Variants in ILF2 observed in about 807,000 individuals in gnomAD.
ILF2 encodes the protein interleukin enhancer binding factor 2.
In ILF2, 9 loss-of-function variants were observed where a neutral mutation model predicts 55.3. The ratio of observed to expected loss-of-function variants is 0.16; its 90% CI spans 0.10 to 0.28. The LOEUF (loss-of-function observed/expected upper bound fraction) is 0.28, where lower values mean the gene tolerates loss of function less well. Among genes scored for constraint, ILF2 ranks in the 10% least tolerant of loss-of-function variants. The pLI is 1.00. For missense variants in ILF2, 266 were observed against 474.9 expected, an observed-to-expected ratio of 0.56 and a Z score of 4.09; for synonymous variants, 151 against 161.8, an observed-to-expected ratio of 0.93 and a Z score of 0.50.
intron 9 of ILF2, 113 bp downstream of exon 9, chr1:153,664,283 C>T: frequency 1.9e-6 from 2 of 1,076,614 alleles, no homozygotes; most frequent in Admixed American, 1.9e-5. Context: ...AAATAAAAAT[C>T]CAGACACGAG....
In ILF2 at chr1:153,670,850, T is replaced by C; in HGVS notation, c.5+68A>G. The C allele has an allele frequency of 1.0e-5, 16 of 1,600,714 alleles. 1 individual carries two copies. In the South Asian group the frequency reaches 1.5e-4, roughly 15 times the overall value. On this transcript the variant is annotated intron_variant, in intron 1 of 13. Coordinates refer to ENST00000361891, the MANE Select transcript of ILF2 (RefSeq NM_004515.4). The stretch of plus-strand genomic sequence containing the variant: ...TGGCCCTTTCTGATACTCCGACTTC[T>C]TTCGGCCCACGTTCACAAAGTTTTC...
intron 3 of ILF2, among the ~76,000 whole-genome samples, chr1:153,668,938 C>T (rs1669378548): frequency 6.6e-6 from 1 of 151,966 alleles, no homozygotes; most frequent in Non-Finnish European, 1.5e-5. Context: ...CAGTGGGTCA[C>T]GCACACCTGT....
Position 153,663,153 on chromosome 1 carries a change from GA to G in ILF2, c.807-21del. The G allele has an allele frequency of 6.2e-7, 1 of 1,613,550 alleles. No homozygotes were observed. Among genetic ancestry groups the G allele is most frequent in the Non-Finnish European group, 8.5e-7 (1 of 1,179,464 alleles). ...CAGCGCCTAGAACACAGGGAGGTAT[GA>G]GGTATTAAAGGAATGCACAAAATAG... is the stretch of plus-strand genomic sequence containing the variant. On this transcript the variant is annotated intron_variant, in intron 11 of 13. Coordinates refer to ENST00000361891, the MANE Select transcript of ILF2 (RefSeq NM_004515.4).
chr1:153,670,007 T>C, intron 2 of ILF2, 129 bp from the exon 3 acceptor site: 2 of 1,098,886 alleles, frequency 1.8e-6, no homozygotes, highest in South Asian at 2.5e-5. Context: ...AGGGAAAGAA[T>C]CATTCTTAGC....
chr1:153,664,430 C>T lies in ILF2; in HGVS notation c.622G>A (p.Ala208Thr). 1 of 1,614,088 alleles carries T rather than the reference C, an allele frequency of 6.2e-7. No individual in the cohort carries two copies. The highest frequency in any genetic ancestry group is 8.5e-7 in the Non-Finnish European group (1 of 1,179,934). Residue 208 changes from alanine to threonine, a missense_variant, in exon 9 of 14, where the codon GCC becomes ACC. Ala to Thr is a moderately conservative substitution (Grantham distance 58). Transcript: ENST00000361891. ...GAAGCATTTTCCTCGAACCAGCGGG[C>T]ATGTCGGATGGCTGCTAAGGCACTC... Reference protein sequence around the residue: ...LQSALAAIRHARWFEENASQS... With the variant: ...LQSALAAIRHTRWFEENASQS...
rs1669195289 is a variant in ILF2 at position 153,662,483 on chromosome 1, T to C, written c.1086A>G (p.Pro362=). 1 of 1,613,866 alleles carries C rather than the reference T, an allele frequency of 6.2e-7. No homozygotes were observed. The change falls in exon 14 of 14, where the codon CCA becomes CCG. Residue 362 remains proline, a synonymous_variant. Coordinates refer to ENST00000361891, the MANE Select transcript of ILF2 (RefSeq NM_004515.4). ...TPSEKAYEKP[P]EKKEGEEEEE... ...CTTCTTCCTCTCCTTCCTTCTTCTC[T>C]GGTGGCTTCTCATAAGCCTTTTCTG...
intron 9 of ILF2, 84 bp downstream of exon 9, chr1:153,664,312 C>G: frequency 3.3e-6 from 4 of 1,210,268 alleles, no homozygotes; most frequent in Non-Finnish European, 4.9e-6. Context: ...CAAAATAGTT[C>G]TGTCAGAGGA....
chr1:153,662,323 C>A lies in ILF2; in HGVS notation c.*73G>T. On this transcript the variant is annotated 3_prime_UTR_variant, in exon 14 of 14. Transcript: ENST00000361891. ...CCTATCCCACGGAAATGTCTGTCAC[C>A]ATGTAAAGCCCAGTAGCAGGCAGCT... 1 of 1,585,886 alleles carries A rather than the reference C, an allele frequency of 6.3e-7. No individual in the cohort carries two copies. Among genetic ancestry groups the A allele is most frequent in the Non-Finnish European group, 8.6e-7 (1 of 1,165,570 alleles).
Position 153,664,283 on chromosome 1 carries a change from C to G in ILF2, c.656+113G>C, listed in dbSNP as rs1249363713. The G allele has an allele frequency of 2.8e-6, 3 of 1,076,496 alleles. No individual in the cohort carries two copies. The East Asian group carries it at 7.3e-5, about 26-fold the overall frequency. The allele number at this position is 1,076,496 out of a possible 1,614,324, so 66.7% of individuals were successfully genotyped here. On this transcript the variant is annotated intron_variant, in intron 9 of 13. Transcript: ENST00000361891. ...GCTTCCTTAAGGTAAAAATAAAAAT[C>G]CAGACACGAGGTCACAGGCAAAATA...
chr1:153,662,877 G>C, intron 12 of ILF2, 82 bp from the exon 13 acceptor site: 1 of 1,373,718 alleles, frequency 7.3e-7, no homozygotes, highest in Non-Finnish European at 1.0e-6. Flanking sequence ...CAGAGATTAA[G>C]ACAGCTTTTT....
At chr1:153,668,897 CA>C (rs59532068) in intron 3 of ILF2, among the ~76,000 whole-genome samples, 8 of 144,868 alleles carry the variant, frequency 5.5e-5, no homozygotes, top group African/African-American at 7.6e-5. Flanking sequence ...GACCCTGCCT[CA>C]AAAAAAAAAA....
intron 3 of ILF2, 58 bp downstream of exon 3, chr1:153,669,778 A>G (rs1669398170): frequency 7.5e-7 from 1 of 1,337,742 alleles, no homozygotes; most frequent in Non-Finnish European, 1.1e-6. Context: ...ACTGGGAGAT[A>G]CTGGGCTCCA....
rs1669352460 is a variant in ILF2, at chr1:153,667,886, C to T, written c.291+114G>A. The T allele has an allele frequency of 1.0e-5, 8 of 781,878 alleles. No individual in the cohort carries two copies. In the South Asian group the frequency reaches 1.2e-4, roughly 12 times the overall value. 48.4% of individuals were successfully genotyped at this position (781,878 alleles called of 1,614,324 possible). A position where few individuals can be genotyped will look rare whatever the true frequency, so the allele number is the denominator to read the frequency against. ...ACAAAGAAATTCCACTGTACTTTCT[C>T]ATTTTAGGCTTGGCTTTGGATAATA... On this transcript the variant is annotated intron_variant, in intron 5 of 13. Transcript: ENST00000361891.
intron 3 of ILF2, among the ~76,000 whole-genome samples, chr1:153,669,536 C>T (rs4845564): frequency 0.41 from 62,749 of 151,652 alleles, 14,332 homozygotes; most frequent in East Asian, 0.7. Context: ...CTGCAACCTC[C>T]GCGTCCCGGG....
rs749275937 is a variant in ILF2 at position 153,664,470 on chromosome 1, A to G, written c.582T>C (p.Asp194=). Residue 194 remains aspartate (D), a synonymous_variant, in exon 9 of 14, where the codon GAT becomes GAC. Coordinates refer to ENST00000361891, the MANE Select transcript of ILF2 (RefSeq NM_004515.4). Reference sequence around the variant, plus strand: ...CTAAGGCACTCTGCAATACTTTGATATCCACTAAAAAGACAAGCATGATAT... The same window carrying G: ...CTAAGGCACTCTGCAATACTTTGATGTCCACTAAAAAGACAAGCATGATAT... The part of the protein sequence containing the change: ...LRKLDPELHL[D]IKVLQSALAA... 4 of 1,612,030 alleles carry G rather than the reference A, an allele frequency of 2.5e-6. No homozygotes were observed. The highest frequency in any genetic ancestry group is 2.2e-5 in the East Asian group (1 of 44,842).
intron 3 of ILF2, among the ~76,000 whole-genome samples, chr1:153,668,966 A>G (rs1669379294): frequency 6.6e-6 from 1 of 152,098 alleles, no homozygotes; most frequent in African/African-American, 2.4e-5. Flanking sequence ...GCACCGTGGG[A>G]GGCTGAGGTG....
chr1:153,664,110 A>T lies in ILF2; in HGVS notation c.677T>A (p.Leu226Gln), dbSNP rs757680377. The T allele has an allele frequency of 6.2e-7, 1 of 1,612,604 alleles. No homozygotes were observed. The highest frequency in any genetic ancestry group is 8.5e-7 in the Non-Finnish European group (1 of 1,178,796). Residue 226 changes from leucine to glutamine, a missense_variant, in exon 10 of 14, where the codon CTA (leucine) becomes CAA (glutamine). Transcript: ENST00000361891. Reference sequence around the variant, plus strand: ...AAAACGAATCCTCAAGTCCTTCAGTAGTCTGATGAGAACTTTAACTCTGAA... The same window carrying T: ...AAAACGAATCCTCAAGTCCTTCAGTTGTCTGATGAGAACTTTAACTCTGAA... ...SQSTVKVLIR[L>Q]LKDLRIRFPG...
At chr1:153,668,359 G>A (rs1029722019) in intron 4 of ILF2, 94 bp downstream of exon 4, 2 of 1,479,152 alleles carry the variant, frequency 1.4e-6, no homozygotes, top group African/African-American at 2.8e-5. Flanking sequence ...TTCAGGCTCT[G>A]TTAACACCAT....
chr1:153,662,240 T>C lies in ILF2; in HGVS notation c.*156A>G. 1 of 891,746 alleles carries C rather than the reference T, an allele frequency of 1.1e-6. No homozygotes were observed. Among genetic ancestry groups the C allele is most frequent in the Non-Finnish European group, 1.7e-6 (1 of 583,604 alleles). 55.2% of individuals were successfully genotyped at this position (891,746 alleles called of 1,614,324 possible). On this transcript the variant is annotated 3_prime_UTR_variant, in exon 14 of 14. Coordinates refer to ENST00000361891, the MANE Select transcript of ILF2 (RefSeq NM_004515.4). The stretch of plus-strand genomic sequence containing the variant: ...AATGGGAGACTGGCAGCTAAGCCAA[T>C]ATCAAAACCCAGTGGAATGACACTT...
Sources: allele counts gnomAD v4.1 joint callset (sites outside exome capture counted in the v4.1 genomes callset), GRCh38; gene constraint gnomAD v4.1.1; transcripts MANE v1.5; gene names NCBI Gene and HGNC (gene_info 2026-07-23, HGNC 2026-07-21).